EPHA5: variants seen among roughly 807,000 people sequenced by gnomAD.
EPHA5 encodes the protein ephrin type-A receptor 5.
In EPHA5, 60 loss-of-function variants were observed where a neutral mutation model predicts 105.0. The observed-to-expected ratio is 0.57, with a 90% CI of 0.46 to 0.71. The LOEUF is 0.71. Ranked by LOEUF, EPHA5 falls within the 30% of genes least tolerant of loss-of-function variation. EPHA5 has a pLI of 0.00. For synonymous variants in EPHA5, 513 were observed against 449.1 expected (o/e 1.14, Z -1.80); for missense variants, 1,218 against 1,274.7 (o/e 0.96, Z 0.68).
chr4:65,423,931 A>T (rs1416392174), intron 5 of EPHA5, among the ~76,000 whole-genome samples: 1 of 152,042 alleles, frequency 6.6e-6, no homozygotes, highest in Non-Finnish European at 1.5e-5. Context: ...ATATCTATAC[A>T]TATTCCTATA....
intron 3 of EPHA5, among the ~76,000 whole-genome samples, chr4:65,571,897 T>TTGGAAGA (rs1231219030): frequency 6.6e-6 from 1 of 152,090 alleles, no homozygotes; most frequent in East Asian, 1.9e-4. Flanking sequence ...AATTAGAGCA[T>TTGGAAGA]GCCTTCCAAA....
chr4:65,547,305 A>AC (rs1241308426), intron 3 of EPHA5, among the ~76,000 whole-genome samples: 6 of 151,400 alleles, frequency 4.0e-5, no homozygotes, highest in Admixed American at 2.6e-4. Flanking sequence ...GTGGAAAAAA[A>AC]AAAAAAAGAA....
chr4:65,320,095 G>A lies in EPHA5; in HGVS notation c.*4019C>T, dbSNP rs1356509776. ...TCTTCTTCTAAGCAATGATTATGTG[G>A]TCATTCTGAACAAGAACATTCAATC... On this transcript the variant is annotated 3_prime_UTR_variant, in exon 17 of 17. Transcript: ENST00000613740. 1.7e-5 allele frequency: 4 copies of A among 229,992 alleles called. No homozygotes were observed. Among genetic ancestry groups the A allele is most frequent in the Non-Finnish European group, 3.4e-5 (4 of 116,098 alleles). The allele number at this position is 229,992 out of a possible 1,614,324, so 14.2% of individuals were successfully genotyped here. A position where few individuals can be genotyped will look rare whatever the true frequency, so the allele number is the denominator to read the frequency against.
chr4:65,637,144 T>C (rs1468905930), intron 2 of EPHA5, among the ~76,000 whole-genome samples: 1 of 151,086 alleles, frequency 6.6e-6, no homozygotes, highest in Non-Finnish European at 1.5e-5. Context: ...TACATATGGA[T>C]GCCAAAATTC....
intron 3 of EPHA5, among the ~76,000 whole-genome samples, chr4:65,545,231 A>G (rs1041852397): frequency 6.6e-6 from 1 of 151,874 alleles, no homozygotes; most frequent in Admixed American, 6.6e-5. Flanking sequence ...TATTTTTGCT[A>G]TCTTCCCTTC....
At chr4:65,513,580 G>C (rs183310111) in intron 3 of EPHA5, among the ~76,000 whole-genome samples, 53 of 152,056 alleles carry the variant, frequency 3.5e-4, no homozygotes, top group African/African-American at 1.2e-3. Flanking sequence ...AGAGAGGGGG[G>C]TTTTACCATG....
chr4:65,359,330 T>C (rs1322833005), intron 11 of EPHA5, among the ~76,000 whole-genome samples: 1 of 151,706 alleles, frequency 6.6e-6, no homozygotes, highest in East Asian at 1.9e-4. Context: ...CTGGTTCATA[T>C]AATTTTATTT....
chr4:65,486,280 TTTCCCTCTCTATA>T lies in EPHA5; in HGVS notation c.1402+4084_1402+4096del, dbSNP rs1436106804. Among the ~76,000 whole-genome samples, 165 of 139,872 alleles carry T rather than the reference TTTCCCTCTCTATA, an allele frequency of 1.2e-3. 1 individual carries two copies. Among genetic ancestry groups the T allele is most frequent in the African/African-American group, 4.1e-3 (159 of 38,768 alleles). The allele number at this position is 139,872 out of a possible 152,430, so 91.8% of individuals were successfully genotyped here. A position where few individuals can be genotyped will look rare whatever the true frequency, so the allele number is the denominator to read the frequency against. ...CCCCATTTACACCCCCCCACCCCCA[TTTCCCTCTCTATA>T]TGAAGAGGGTATTTAAGCCTCAACC... is the stretch of plus-strand genomic sequence containing the variant. On this transcript the variant is annotated intron_variant, in intron 5 of 16. Transcript: ENST00000613740.
intron 1 of EPHA5, among the ~76,000 whole-genome samples, chr4:65,650,269 T>C (rs190399561): frequency 4.6e-5 from 7 of 151,776 alleles, no homozygotes; most frequent in Non-Finnish European, 7.4e-5. Context: ...TTGCTCTGGC[T>C]GGGCGCGGTG....
intron 12 of EPHA5, among the ~76,000 whole-genome samples, 156 bp from the exon 13 acceptor site, chr4:65,351,754 T>C (rs1722841263): frequency 6.6e-6 from 1 of 152,090 alleles, no homozygotes; most frequent in South Asian, 2.1e-4. Context: ...AGGAAGTATA[T>C]GGCTAACTTG....
rs1750325993 is a variant in EPHA5 at position 65,670,011 on chromosome 4, TG to T, written c.-270del. On this transcript the variant is annotated 5_prime_UTR_variant, in exon 1 of 17. Coordinates refer to ENST00000613740, the MANE Select transcript of EPHA5 (RefSeq NM_001281766.3). ...TGCAGATCTGGACTCGGATCAAGGG[TG>T]TCGAGAGGGTCCTGGGTCCTGTTCC... 1 of 424,498 alleles carries T rather than the reference TG, an allele frequency of 2.4e-6. No individual in the cohort carries two copies. Among genetic ancestry groups the T allele is most frequent in the Non-Finnish European group, 3.9e-6 (1 of 253,388 alleles). 26.3% of individuals were successfully genotyped at this position (424,498 alleles called of 1,614,324 possible).
intron 1 of EPHA5, among the ~76,000 whole-genome samples, chr4:65,660,777 T>A (rs1322491116): frequency 6.6e-6 from 1 of 151,034 alleles, no homozygotes; most frequent in East Asian, 1.9e-4. Context: ...TTAATAAAAA[T>A]TAAGATACAG....
intron 2 of EPHA5, among the ~76,000 whole-genome samples, chr4:65,627,496 T>C (rs1423375640): frequency 6.6e-6 from 1 of 152,162 alleles, no homozygotes; most frequent in Non-Finnish European, 1.5e-5. Flanking sequence ...CTTTGGGAAA[T>C]AGTGAGTATC....
chr4:65,553,034 A>T (rs1423542534), intron 3 of EPHA5, among the ~76,000 whole-genome samples: 2 of 152,098 alleles, frequency 1.3e-5, no homozygotes, highest in Non-Finnish European at 2.9e-5. Context: ...GAAGAGCTAT[A>T]GTTGGAGACA....
At chr4:65,411,594 C>T (rs924860543) in intron 7 of EPHA5, among the ~76,000 whole-genome samples, 3 of 152,034 alleles carry the variant, frequency 2.0e-5, no homozygotes, top group Non-Finnish European at 4.4e-5. Flanking sequence ...TTAACTATGA[C>T]TTACCAAATA....
chr4:65,556,757 A>C (rs1738483986), intron 3 of EPHA5, among the ~76,000 whole-genome samples: 2 of 152,166 alleles, frequency 1.3e-5, no homozygotes, highest in South Asian at 4.1e-4. Context: ...TAGCTTCAGC[A>C]CTTAGCTTGA....
intron 5 of EPHA5, among the ~76,000 whole-genome samples, chr4:65,468,274 G>C (rs991218088): frequency 9.2e-5 from 14 of 151,640 alleles, no homozygotes; most frequent in African/African-American, 3.4e-4. Flanking sequence ...ATTGTTTTAG[G>C]TCACTGAGCT....
intron 8 of EPHA5, among the ~76,000 whole-genome samples, chr4:65,397,462 A>T (rs1172437017): frequency 6.6e-6 from 1 of 151,894 alleles, no homozygotes; most frequent in Non-Finnish European, 1.5e-5. Context: ...TTAATCCTGA[A>T]CTCCCAAGGG....
At chr4:65,334,307 T>C (rs1720964178) in intron 15 of EPHA5, among the ~76,000 whole-genome samples, 1 of 152,022 alleles carries the variant, frequency 6.6e-6, no homozygotes, top group Admixed American at 6.6e-5. Context: ...ATAGTGATTT[T>C]TAGCCATTAG....
Sources: gnomAD v4.1 joint callset for allele counts (sites outside exome capture counted in the v4.1 genomes callset) on GRCh38, gnomAD v4.1.1 for gene constraint, MANE v1.5 for transcripts, NCBI Gene and HGNC (gene_info 2026-07-23, HGNC 2026-07-21) for gene names.